COL25A1: variants seen among roughly 807,000 people sequenced by gnomAD.
COL25A1 encodes the protein collagen alpha-1(XXV) chain.
A neutral mutation model predicts 128.4 loss-of-function variants in COL25A1; 103 were observed. The observed-to-expected ratio is 0.80, with a 90% CI of 0.68 to 0.94. The LOEUF is 0.94. Ranked by LOEUF, COL25A1 falls within the 40% of genes least tolerant of loss-of-function variation. The pLI, the probability that COL25A1 is intolerant of heterozygous loss-of-function variation, is 0.00. For synonymous variants in COL25A1, 279 were observed against 277.2 expected (o/e 1.01, Z -0.06); for missense variants, 745 against 840.0 (o/e 0.89, Z 1.40).
chr4:109,219,392 GT>G (rs201289863), intron 3 of COL25A1, among the ~76,000 whole-genome samples: 12 of 148,484 alleles, frequency 8.1e-5, no homozygotes, highest in South Asian at 2.2e-4. Flanking sequence ...CAGAGAATGA[GT>G]TTTTTTTTTA....
chr4:108,888,127 T>TA (rs1741040757), intron 18 of COL25A1, among the ~76,000 whole-genome samples: 1 of 152,162 alleles, frequency 6.6e-6, no homozygotes, highest in Non-Finnish European at 1.5e-5. Flanking sequence ...CTTAGACTCT[T>TA]AGTTTTGAGA....
rs1730785283 is a variant in COL25A1, at chr4:108,811,466, A to T, written c.*2461T>A. 6.6e-6 allele frequency: 1 copy of T among 152,076 alleles called. No homozygotes were observed. 9.4% of individuals were successfully genotyped at this position (152,076 alleles called of 1,614,324 possible). A position where few individuals can be genotyped will look rare whatever the true frequency, so the allele number is the denominator to read the frequency against. ...ATAAAGTGTTTTTCTTTTGATGTTG[A>T]GGTATCGTCTCCTGAAGCTGTGCAA... On this transcript the variant is annotated 3_prime_UTR_variant, in exon 38 of 38. Transcript: ENST00000399132.
intron 3 of COL25A1, among the ~76,000 whole-genome samples, chr4:109,191,895 G>A (rs1252685562): frequency 1.3e-5 from 2 of 152,122 alleles, no homozygotes; most frequent in African/African-American, 4.8e-5. Flanking sequence ...AGAGATAAGA[G>A]CCATCTAAAT....
At chr4:109,021,969 T>G (rs370181336) in intron 5 of COL25A1, among the ~76,000 whole-genome samples, 1 of 152,196 alleles carries the variant, frequency 6.6e-6, no homozygotes, top group East Asian at 1.9e-4. Context: ...ATACGTGCAC[T>G]GCTGAACATA....
chr4:108,896,755 G>A (rs754591281), intron 15 of COL25A1, 44 bp from the exon 16 acceptor site: 108 of 1,508,760 alleles, frequency 7.2e-5, no homozygotes, highest in South Asian at 5.8e-4. Flanking sequence ...CATTGGTGAC[G>A]TCAAGCAGAT....
intron 3 of COL25A1, among the ~76,000 whole-genome samples, chr4:109,078,263 T>C (rs1274036160): frequency 5.9e-5 from 9 of 152,184 alleles, no homozygotes; most frequent in Non-Finnish European, 8.8e-5. Context: ...GAGTCAGGGA[T>C]CTTGGTTCTA....
chr4:108,887,430 T>C (rs1002629765), intron 18 of COL25A1, among the ~76,000 whole-genome samples: 7 of 152,226 alleles, frequency 4.6e-5, no homozygotes, highest in Admixed American at 3.3e-4. Context: ...AAATCAGTGT[T>C]GGGCTAAGTA....
At chr4:108,845,109 G>T in intron 29 of COL25A1, 80 bp downstream of exon 29, 2 of 1,183,626 alleles carry the variant, frequency 1.7e-6, no homozygotes, top group Non-Finnish European at 1.3e-6. Flanking sequence ...CAGCCATCTG[G>T]CAGAGGTGGA....
At chr4:108,827,112 G>C (rs767278346) in intron 33 of COL25A1, 23 bp downstream of exon 33, 1 of 1,610,534 alleles carries the variant, frequency 6.2e-7, no homozygotes, top group Admixed American at 1.7e-5. Context: ...AAGGTGGGGA[G>C]GTGCATGTGA....
chr4:108,845,344 A>G (rs1734963402), intron 28 of COL25A1, 93 bp from the exon 29 acceptor site: 1 of 954,034 alleles, frequency 1.0e-6, no homozygotes, highest in Non-Finnish European at 1.7e-6. Context: ...TGTTCTCTTG[A>G]CATTTTATAA....
chr4:109,198,294 T>TCACACACACACACA lies in COL25A1; in HGVS notation c.367+102275_367+102288dup, dbSNP rs112993547. Among the ~76,000 whole-genome samples the TCACACACACACACA allele has an allele frequency of 2.6e-3, 373 of 144,036 alleles. 4 individuals carry two copies. The highest frequency in any genetic ancestry group is 6.3e-3 in the African/African-American group (244 of 38,896). The allele number at this position is 144,036 out of a possible 152,430, so 94.5% of individuals were successfully genotyped here. Reference sequence around the variant, plus strand: ...ACCACATCAGACTCTGCATATTCATTCACACACACACACACACACACACAC... The same window carrying TCACACACACACACA: ...ACCACATCAGACTCTGCATATTCATTCACACACACACACACACACACACACACACACACACACAC... On this transcript the variant is annotated intron_variant, in intron 3 of 37. Coordinates refer to ENST00000399132, the MANE Select transcript of COL25A1 (RefSeq NM_198721.4).
chr4:108,961,736 G>A (rs990147545), intron 8 of COL25A1, among the ~76,000 whole-genome samples: 20 of 152,158 alleles, frequency 1.3e-4, no homozygotes, highest in Admixed American at 9.8e-4. Flanking sequence ...TAGCAGTCCC[G>A]GAAATATAAC....
chr4:109,202,996 G>A (rs556481915), intron 3 of COL25A1, among the ~76,000 whole-genome samples: 5 of 150,792 alleles, frequency 3.3e-5, no homozygotes, highest in African/African-American at 1.2e-4. Flanking sequence ...GTAAAGGGGT[G>A]TAAAAAAAAT....
chr4:108,942,309 C>A, intron 8 of COL25A1: 1 of 1,528,938 alleles, frequency 6.5e-7, no homozygotes. Flanking sequence ...CGACATAAAA[C>A]GTCACACAGA....
intron 3 of COL25A1, among the ~76,000 whole-genome samples, chr4:109,083,448 A>ATTTTTTTTTTTTTTTTTTTTTTTTTT (rs60165291): frequency 1.3e-5 from 1 of 77,010 alleles, no homozygotes; most frequent in African/African-American, 4.8e-5. Context: ...CACTAAATAA[A>ATTTTTTTTTTTTTTTTTTTTTTTTTT]TTTTTTTTTT....
intron 3 of COL25A1, among the ~76,000 whole-genome samples, chr4:109,085,573 A>C (rs1331415398): frequency 1.3e-5 from 2 of 152,190 alleles, no homozygotes; most frequent in Non-Finnish European, 2.9e-5. Context: ...AAGCTTCCTT[A>C]AGGACATATC....
At chr4:109,268,102 A>C (rs1314239314) in intron 3 of COL25A1, among the ~76,000 whole-genome samples, 1 of 152,208 alleles carries the variant, frequency 6.6e-6, no homozygotes, top group African/African-American at 2.4e-5. Flanking sequence ...ACATTTGAAC[A>C]TGTTAAAATG....
At chr4:109,189,925 T>C (rs1204445786) in intron 3 of COL25A1, among the ~76,000 whole-genome samples, 1 of 152,188 alleles carries the variant, frequency 6.6e-6, no homozygotes, top group Non-Finnish European at 1.5e-5. Flanking sequence ...ATATTTGTCC[T>C]ATGCCTTTCC....
At chr4:108,866,802 T>C (rs1737983486) in intron 20 of COL25A1, among the ~76,000 whole-genome samples, 2 of 152,210 alleles carry the variant, frequency 1.3e-5, no homozygotes, top group Non-Finnish European at 2.9e-5. Flanking sequence ...CAACACAAAT[T>C]AGATATTTCA....
Sources: allele counts gnomAD v4.1 joint callset (sites outside exome capture counted in the v4.1 genomes callset), GRCh38; gene constraint gnomAD v4.1.1; transcripts MANE v1.5; gene names NCBI Gene and HGNC (gene_info 2026-07-23, HGNC 2026-07-21).